ATP10B: variants seen among roughly 807,000 people sequenced by gnomAD.
ATP10B encodes ATPase phospholipid transporting 10B (putative), also known as phospholipid-transporting ATPase VB.
Under a neutral mutation model 141.2 loss-of-function variants are expected in ATP10B, and 122 were observed. That is an observed-to-expected ratio of 0.86 (90% CI 0.75 to 1.00). The LOEUF (loss-of-function observed/expected upper bound fraction) is 1.00. Among genes scored for constraint, ATP10B ranks in the 50% least tolerant of loss-of-function variants. The pLI is 0.00. For synonymous variants in ATP10B, 685 were observed against 692.0 expected, an observed-to-expected ratio of 0.99 and a Z score of 0.16; for missense variants, 1,876 against 1,825.3, an observed-to-expected ratio of 1.03 and a Z score of -0.51.
intron 13 of ATP10B, among the ~76,000 whole-genome samples, chr5:160,629,408 A>G (rs1418235139): frequency 6.6e-6 from 1 of 151,850 alleles, no homozygotes; most frequent in Non-Finnish European, 1.5e-5. Flanking sequence ...CCAAGTGAAG[A>G]CTCTTTCCTG....
chr5:160,747,128 G>T (rs997063015), intron 2 of ATP10B, among the ~76,000 whole-genome samples: 4 of 152,192 alleles, frequency 2.6e-5, no homozygotes, highest in African/African-American at 4.8e-5. Flanking sequence ...CTGGGGCTGA[G>T]TATTTTTTGC....
chr5:160,823,392 G>C (rs534532116), intron 1 of ATP10B, among the ~76,000 whole-genome samples: 176 of 152,060 alleles, frequency 1.2e-3, no homozygotes, highest in Non-Finnish European at 1.5e-3. Flanking sequence ...GTCAGGGAGT[G>C]GGGTGGGGTG....
intron 25 of ATP10B, among the ~76,000 whole-genome samples, chr5:160,566,166 A>G (rs1208563117): frequency 1.3e-5 from 2 of 152,044 alleles, no homozygotes; most frequent in Non-Finnish European, 2.9e-5. Flanking sequence ...CAACAATCTC[A>G]TGTGGTTATT....
At chr5:160,844,201 T>C (rs1424597795) in intron 1 of ATP10B, among the ~76,000 whole-genome samples, 4 of 151,984 alleles carry the variant, frequency 2.6e-5, no homozygotes, top group African/African-American at 9.7e-5. Context: ...AACAGAAATA[T>C]ATATATATAC....
At chr5:160,756,972 T>A (rs1488940901) in intron 2 of ATP10B, among the ~76,000 whole-genome samples, 1 of 152,160 alleles carries the variant, frequency 6.6e-6, no homozygotes, top group Non-Finnish European at 1.5e-5. Flanking sequence ...AATTATTGAT[T>A]TTTTTAAACA....
At chr5:160,834,274 G>A (rs12515558) in intron 1 of ATP10B, among the ~76,000 whole-genome samples, 89,352 of 151,850 alleles carry the variant, frequency 0.59, 28,994 homozygotes, top group East Asian at 0.85. Flanking sequence ...GCAATAAGCC[G>A]AGATCATGCC....
Position 160,686,209 on chromosome 5 carries a change from G to T in ATP10B, c.340C>A (p.His114Asn). 1.2e-6 allele frequency: 2 copies of T among 1,612,538 alleles called. No homozygotes were observed. The highest frequency in any genetic ancestry group is 8.5e-7 in the Non-Finnish European group (1 of 1,178,994). The change falls in exon 6 of 26, where the codon CAC becomes AAC. Residue 114 changes from histidine (H) to asparagine (N), a missense_variant. Physicochemically the swap from His to Asn is moderately conservative, Grantham distance 68. Coordinates refer to ENST00000327245, the MANE Select transcript of ATP10B (RefSeq NM_025153.3). Reference sequence around the variant, plus strand: ...AATGGTAACATGGTGATTTCTCTGTGGAAGACTTCCATGGAGGGCATCCAG... The same window carrying T: ...AATGGTAACATGGTGATTTCTCTGTTGAAGACTTCCATGGAGGGCATCCAG... ...LNWMPSMEVFHREITMLPLAI... is the reference protein window; with the variant it reads ...LNWMPSMEVFNREITMLPLAI...
intron 1 of ATP10B, among the ~76,000 whole-genome samples, chr5:160,801,127 A>G (rs1752280931): frequency 6.6e-6 from 1 of 152,130 alleles, no homozygotes; most frequent in Non-Finnish European, 1.5e-5. Context: ...CTAACGATGT[A>G]TTCATCCAAC....
chr5:160,793,589 C>T (rs1247680981), intron 1 of ATP10B, among the ~76,000 whole-genome samples: 1 of 152,100 alleles, frequency 6.6e-6, no homozygotes, highest in Non-Finnish European at 1.5e-5. Context: ...CACCTAATGC[C>T]GACATCATGG....
the ATP10B span, among the ~76,000 whole-genome samples, chr5:160,885,613 T>C: frequency 6.6e-6 from 1 of 152,160 alleles, no homozygotes; most frequent in African/African-American, 2.4e-5. Flanking sequence ...CCTGAATTAA[T>C]GAGAGAGAAA....
At chr5:160,649,661 T>G (rs1319077690) in intron 7 of ATP10B, among the ~76,000 whole-genome samples, 1 of 152,220 alleles carries the variant, frequency 6.6e-6, no homozygotes, top group Non-Finnish European at 1.5e-5. Context: ...TTAAAAAATT[T>G]AATTTGATTT....
At chr5:160,690,550 T>C (rs1043625588) in intron 3 of ATP10B, among the ~76,000 whole-genome samples, 1 of 152,062 alleles carries the variant, frequency 6.6e-6, no homozygotes, top group Non-Finnish European at 1.5e-5. Context: ...GCAAAGGACA[T>C]GAACAGACAC....
chr5:160,737,251 C>T (rs1388287658), intron 2 of ATP10B, among the ~76,000 whole-genome samples: 3 of 152,124 alleles, frequency 2.0e-5, no homozygotes, highest in African/African-American at 7.2e-5. Context: ...AGGGAACATA[C>T]CTCAACATAA....
intron 1 of ATP10B, among the ~76,000 whole-genome samples, chr5:160,832,236 A>T (rs892469969): frequency 6.6e-6 from 1 of 152,200 alleles, no homozygotes; most frequent in African/African-American, 2.4e-5. Flanking sequence ...AGAAATACTC[A>T]TAAAACTCTG....
intron 1 of ATP10B, among the ~76,000 whole-genome samples, chr5:160,818,976 A>G (rs1418245520): frequency 8.5e-5 from 13 of 152,144 alleles, no homozygotes. Context: ...AGGAAAGGGA[A>G]CATCACACAC....
In ATP10B at chr5:160,716,791, T is replaced by C. The variant is rs1204002963; in HGVS notation, c.-205+118A>G. ...TTTTTTCTGTTCCATCATCCTTAGC[T>C]CTGGTTTCCATCATCAAGGTGGTGT... On this transcript the variant is annotated intron_variant, in intron 3 of 25. Coordinates refer to ENST00000327245, the MANE Select transcript of ATP10B (RefSeq NM_025153.3). 5.8e-6 allele frequency: 4 copies of C among 694,050 alleles called. No homozygotes were observed. The African/African-American group carries it at 5.8e-5, about 10-fold the overall frequency. The allele number at this position is 694,050 out of a possible 1,614,324, so 43.0% of individuals were successfully genotyped here. A position where few individuals can be genotyped will look rare whatever the true frequency, so the allele number is the denominator to read the frequency against.
At chr5:160,926,757 C>A in the ATP10B span, among the ~76,000 whole-genome samples, 2,142 of 152,312 alleles carry the variant, frequency 0.014, 46 homozygotes, top group African/African-American at 0.049. Context: ...TTAATTAAAG[C>A]GTGTAAGTTG....
Position 160,620,467 on chromosome 5 carries a change from A to C in ATP10B, c.2296T>G (p.Phe766Val), listed in dbSNP as rs1298208322. ...LTFSLLCTLG[F>V]DSVRKRMSVV... The stretch of plus-strand genomic sequence containing the variant: ...GACATTCTCTTCCTGACAGAGTCAA[A>C]GCCCAGGGTGCAGAGGAGGCTGAAG... The change falls in exon 15 of 26, where the codon TTT (phenylalanine) becomes GTT (valine). Residue 766 changes from phenylalanine to valine, a missense_variant. Phe to Val is a conservative substitution (Grantham distance 50, BLOSUM62 -1). Transcript: ENST00000327245. The C allele has an allele frequency of 3.7e-6, 6 of 1,614,220 alleles. No homozygotes were observed. Among genetic ancestry groups the C allele is most frequent in the Non-Finnish European group, 5.1e-6 (6 of 1,180,016 alleles).
chr5:160,696,131 T>TAG lies in ATP10B; in HGVS notation c.-204-7190_-204-7189dup, dbSNP rs548788464. 5.6e-3 allele frequency among the ~76,000 whole-genome samples: 854 copies of TAG among 152,162 alleles called. 8 individuals are homozygous for TAG. Among genetic ancestry groups the TAG allele is most frequent in the African/African-American group, 0.02 (820 of 41,518 alleles). On this transcript the variant is annotated intron_variant, in intron 3 of 25. Transcript: ENST00000327245. ...AGCTTCAATTTTTTTTTCACTGAGA[T>TAG]AGTCTCACTCTGTCGCCCAGGCTGG... is the stretch of plus-strand genomic sequence containing the variant.
Sources: gnomAD v4.1 joint callset for allele counts (sites outside exome capture counted in the v4.1 genomes callset) on GRCh38, gnomAD v4.1.1 for gene constraint, MANE v1.5 for transcripts, NCBI Gene and HGNC (gene_info 2026-07-23, HGNC 2026-07-21) for gene names.